The following RELL1 variants were observed in gnomAD, a reference collection of about 807,000 sequenced individuals.
RELL1 encodes the protein RELT-like protein 1.
In RELL1, 10 loss-of-function variants were observed where a neutral mutation model predicts 23.0. The observed-to-expected ratio is 0.43, with a 90% CI of 0.27 to 0.74. The LOEUF (loss-of-function observed/expected upper bound fraction) is 0.74, where lower values mean the gene tolerates loss of function less well. RELL1 is among the 30% of genes least tolerant of loss of function. RELL1 has a pLI of 0.19. For missense variants in RELL1, 315 were observed against 364.4 expected, an observed-to-expected ratio of 0.86 and a Z score of 1.10; for synonymous variants, 146 against 146.8, an observed-to-expected ratio of 0.99 and a Z score of 0.04.
intron 1 of RELL1, among the ~76,000 whole-genome samples, chr4:37,667,423 A>G (rs1008634227): frequency 1.3e-5 from 2 of 149,916 alleles, no homozygotes; most frequent in Non-Finnish European, 3.0e-5. Flanking sequence ...GGTAGCAAGT[A>G]TCAAAGGTGA....
intron 1 of RELL1, among the ~76,000 whole-genome samples, chr4:37,669,854 G>T (rs1400535321): frequency 1.2e-3 from 185 of 151,342 alleles, no homozygotes; most frequent in Non-Finnish European, 4.1e-4. Flanking sequence ...CTCGTTAAGA[G>T]TCATCACCAC....
intron 1 of RELL1, among the ~76,000 whole-genome samples, chr4:37,677,889 T>C (rs1365947821): frequency 3.3e-5 from 5 of 152,072 alleles, no homozygotes; most frequent in Non-Finnish European, 7.4e-5. Flanking sequence ...GAAGAATCAC[T>C]TGAACCCAGG....
At chr4:37,605,848 A>AAAGAAAGAAAGAAAGAAAGAAAGAAAG (rs1435263321), downstream of RELL1, among the ~76,000 whole-genome samples, 1 of 107,144 alleles carries the variant, frequency 9.3e-6, no homozygotes, top group Non-Finnish European at 2.3e-5. Flanking sequence ...AGAAAGAAGG[A>AAAGAAAGAAAGAAAGAAAGAAAGAAAG]AAAGAAAAGA....
chr4:37,612,337 A>C lies in RELL1; in HGVS notation c.*1009T>G, dbSNP rs1397799801. On this transcript the variant is annotated 3_prime_UTR_variant, in exon 7 of 7. Transcript: ENST00000454158. Reference sequence around the variant, plus strand: ...AGCTAAAGGTTAAAAAAAAAAAAAAAACAAAAAAAAACAAAAAACCGGGTG... The same window carrying C: ...AGCTAAAGGTTAAAAAAAAAAAAAACACAAAAAAAAACAAAAAACCGGGTG... 2.0e-3 allele frequency among the ~76,000 whole-genome samples: 206 copies of C among 103,630 alleles called. 1 individual carries two copies. Among genetic ancestry groups the C allele is most frequent in the African/African-American group, 5.7e-3 (148 of 26,024 alleles). 68.0% of individuals were successfully genotyped at this position (103,630 alleles called of 152,430 possible).
chr4:37,590,041 A>G, downstream of RELL1: 1 of 1,372,924 alleles, frequency 7.3e-7, no homozygotes, highest in East Asian at 2.3e-5. Context: ...GGTAAAAAGC[A>G]TTAATGATGG....
intron 1 of RELL1, among the ~76,000 whole-genome samples, chr4:37,666,034 G>A (rs2109302658): frequency 6.6e-6 from 1 of 152,290 alleles, no homozygotes; most frequent in Middle Eastern, 3.4e-3. Context: ...ATGCCCCTGT[G>A]GAGTGTTGGG....
At chr4:37,606,233 AGAC>A (rs1719219672), downstream of RELL1, among the ~76,000 whole-genome samples, 1 of 135,898 alleles carries the variant, frequency 7.4e-6, no homozygotes, top group Non-Finnish European at 1.7e-5. The surrounding 1 kb of genome is among the most constrained non-coding windows in gnomAD (Gnocchi z 4.1). Context: ...AAAGGAAAGA[AGAC>A]AAGAGAAAGA....
chr4:37,675,219 C>T (rs1204220457), intron 1 of RELL1, among the ~76,000 whole-genome samples: 1 of 152,194 alleles, frequency 6.6e-6, no homozygotes, highest in African/African-American at 2.4e-5. Context: ...AGAAGATGAA[C>T]CTATAGTGAA....
intron 3 of RELL1, among the ~76,000 whole-genome samples, chr4:37,639,586 G>A (rs182549239): frequency 5.8e-4 from 88 of 151,174 alleles, no homozygotes; most frequent in African/African-American, 2.0e-3. Context: ...ACATCCACAC[G>A]CCATGTGTTT....
rs752542250 is a variant in RELL1, at chr4:37,631,355, GC to G, written c.*3+29del. The G allele has an allele frequency of 4.4e-6, 7 of 1,602,574 alleles. No homozygotes were observed. The South Asian group carries it at 7.9e-5, about 18-fold the overall frequency. On this transcript the variant is annotated intron_variant, in intron 6 of 6. Coordinates refer to ENST00000454158, the MANE Select transcript of RELL1 (RefSeq NM_001085400.2). ...CCTTCTCCTCACCCTGCACCACTCTGCCCCCAATGTCACCAAAACCACGGCT... is the reference window on the plus strand; with the variant it reads ...CCTTCTCCTCACCCTGCACCACTCTGCCCCAATGTCACCAAAACCACGGCT...
At chr4:37,646,347 A>G (rs973897932) in intron 3 of RELL1, among the ~76,000 whole-genome samples, 6 of 152,244 alleles carry the variant, frequency 3.9e-5, no homozygotes, top group African/African-American at 1.4e-4. Context: ...AATTTCATAA[A>G]AGTTCAACTT....
At chr4:37,629,888 G>A (rs920106732) in intron 6 of RELL1, among the ~76,000 whole-genome samples, 16 of 152,132 alleles carry the variant, frequency 1.1e-4, no homozygotes, top group East Asian at 5.8e-4. Flanking sequence ...TAGCATGGAC[G>A]GAGCATTTCC....
chr4:37,612,949 C>T lies in RELL1; in HGVS notation c.*397G>A, dbSNP rs60130390. 903 of 152,348 alleles carry T rather than the reference C, an allele frequency of 5.9e-3. 5 individuals carry two copies. Among genetic ancestry groups the T allele is most frequent in the African/African-American group, 0.021 (863 of 41,558 alleles). The allele number at this position is 152,348 out of a possible 1,614,324, so 9.4% of individuals were successfully genotyped here. A position where few individuals can be genotyped will look rare whatever the true frequency, so the allele number is the denominator to read the frequency against. The stretch of plus-strand genomic sequence containing the variant: ...AAACACACACTCACGTGCACACATG[C>T]ATACACATATACACACACACCCCTG... On this transcript the variant is annotated 3_prime_UTR_variant, in exon 7 of 7. Transcript: ENST00000454158.
Position 37,686,342 on chromosome 4 carries a change from GCAGAGCCGCTC to G in RELL1, c.-66_-56del, listed in dbSNP as rs1722415349. 1 of 1,354,530 alleles carries G rather than the reference GCAGAGCCGCTC, an allele frequency of 7.4e-7. No individual in the cohort carries two copies. The highest frequency in any genetic ancestry group is 2.9e-5 in the Admixed American group (1 of 34,624). The allele number at this position is 1,354,530 out of a possible 1,614,324, so 83.9% of individuals were successfully genotyped here. ...GGCGCCGCGTCCCGCGCTCGGGAAG[GCAGAGCCGCTC>G]CGGAGCCGGCGGGCTGATCGAGTGG... On this transcript the variant is annotated 5_prime_UTR_variant, in exon 1 of 7. Coordinates refer to ENST00000454158, the MANE Select transcript of RELL1 (RefSeq NM_001085400.2).
intron 4 of RELL1, among the ~76,000 whole-genome samples, chr4:37,637,298 G>A (rs17605342): frequency 0.037 from 5,622 of 152,278 alleles, 273 homozygotes; most frequent in East Asian, 0.16. Flanking sequence ...CACATCTAAC[G>A]TAGCCAGTTT....
At chr4:37,681,895 C>T (rs1443351539) in intron 1 of RELL1, among the ~76,000 whole-genome samples, 7 of 152,148 alleles carry the variant, frequency 4.6e-5, no homozygotes, top group Non-Finnish European at 7.3e-5. Flanking sequence ...ACCATAGCAT[C>T]CCATGACCTT....
At chr4:37,606,685 C>T (rs1719232295), downstream of RELL1, among the ~76,000 whole-genome samples, 1 of 152,180 alleles carries the variant, frequency 6.6e-6, no homozygotes. The surrounding 1 kb of genome is among the most constrained non-coding windows in gnomAD (Gnocchi z 4.1). Flanking sequence ...CTGCAGACAC[C>T]TTGACTTCAG....
rs1720281790 is a variant in RELL1, at chr4:37,635,187, T to C, written c.444-64A>G. Reference sequence around the variant, plus strand: ...AGGAAATATCAGCGAAGGTGATCTCTCTCCCTGTGATGACAGAAGCAGTTT... The same window carrying C: ...AGGAAATATCAGCGAAGGTGATCTCCCTCCCTGTGATGACAGAAGCAGTTT... On this transcript the variant is annotated intron_variant, in intron 4 of 6. Transcript: ENST00000454158. The C allele has an allele frequency of 2.3e-6, 3 of 1,282,736 alleles. No individual in the cohort carries two copies. The Admixed American group carries it at 5.1e-5, about 22-fold the overall frequency. The allele number at this position is 1,282,736 out of a possible 1,614,324, so 79.5% of individuals were successfully genotyped here.
At chr4:37,608,022 A>T (rs1483807333), downstream of RELL1, among the ~76,000 whole-genome samples, 3 of 152,148 alleles carry the variant, frequency 2.0e-5, no homozygotes, top group Non-Finnish European at 2.9e-5. Context: ...GCGATTTCTG[A>T]TGTTACTATT....
Sources: gnomAD v4.1 joint callset for allele counts (sites outside exome capture counted in the v4.1 genomes callset) on GRCh38, gnomAD v4.1.1 for gene constraint, Gnocchi (gnomAD v3.1) non-coding constraint, MANE v1.5 for transcripts, NCBI Gene and HGNC (gene_info 2026-07-23, HGNC 2026-07-21) for gene names.